Variants in ITIH5 observed in about 807,000 individuals in gnomAD.
ITIH5 encodes the protein inter-alpha-trypsin inhibitor heavy chain H5.
ITIH5 carries 65 observed loss-of-function variants against 77.5 expected under a neutral mutation model. That is an observed-to-expected ratio of 0.84 (90% CI 0.69 to 1.03). ITIH5 has a LOEUF of 1.03. Ranked by LOEUF, ITIH5 falls within the 50% of genes least tolerant of loss-of-function variation. The pLI is 0.00. For missense variants in ITIH5, 1,208 were observed against 1,213.1 expected (o/e 1.00, Z 0.06); for synonymous variants, 525 against 494.3 (o/e 1.06, Z -0.82).
chr10:7,616,782 C>T (rs988948223), intron 6 of ITIH5, among the ~76,000 whole-genome samples: 1 of 151,992 alleles, frequency 6.6e-6, no homozygotes, highest in African/African-American at 2.4e-5. Flanking sequence ...GAGCCGAGAT[C>T]GGCCACTGCA....
chr10:7,629,981 C>A (rs151258654), intron 5 of ITIH5, among the ~76,000 whole-genome samples: 1 of 152,040 alleles, frequency 6.6e-6, no homozygotes, highest in Non-Finnish European at 1.5e-5. Flanking sequence ...GGGGGGGCTA[C>A]GGAGCTGTAC....
At chr10:7,655,034 A>C (rs562342177) in intron 2 of ITIH5, among the ~76,000 whole-genome samples, 1 of 152,310 alleles carries the variant, frequency 6.6e-6, no homozygotes, top group South Asian at 2.1e-4. Context: ...AATGACAAGA[A>C]ATCTGAATCC....
intron 13 of ITIH5, among the ~76,000 whole-genome samples, chr10:7,564,959 A>G (rs959696549): frequency 7.1e-6 from 1 of 141,540 alleles, no homozygotes; most frequent in Non-Finnish European, 1.5e-5. Context: ...CAGACTGTAT[A>G]CATACATATA....
Position 7,563,345 on chromosome 10 carries a change from G to A in ITIH5, c.2567C>T (p.Pro856Leu). 1 of 1,614,058 alleles carries A rather than the reference G, an allele frequency of 6.2e-7. No homozygotes were observed. The highest frequency in any genetic ancestry group is 8.5e-7 in the Non-Finnish European group (1 of 1,179,928). ...AGTGAGGTTCTGGCTGGGCCCTGCA[G>A]GGTCTTCTGTGAGTCTGGCATCCTG... ...LNQDARLTED[P>L]AGPSQNLTHP... Residue 856 changes from proline to leucine, a missense_variant, in exon 14 of 14, where the codon CCT becomes CTT. By Grantham distance (98) the Pro-to-Leu change is moderately conservative. Transcript: ENST00000397146.
chr10:7,664,210 G>C (rs1182860195), intron 1 of ITIH5, among the ~76,000 whole-genome samples: 1 of 151,982 alleles, frequency 6.6e-6, no homozygotes, highest in Non-Finnish European at 1.5e-5. Context: ...GACCAGCCTG[G>C]CCAACGTGAT....
Position 7,641,826 on chromosome 10 carries a change from A to C in ITIH5, c.299+101T>G. On this transcript the variant is annotated intron_variant, in intron 3 of 13. Coordinates refer to ENST00000397146, the MANE Select transcript of ITIH5 (RefSeq NM_030569.7). ...TTCTGATCTATATACCATCTACTGG[A>C]ATATAAATCCTCACAGTCACAAGGC... is the stretch of plus-strand genomic sequence containing the variant. The C allele has an allele frequency of 7.8e-6, 7 of 893,944 alleles. No homozygotes were observed. The South Asian group carries it at 1.1e-4, about 15-fold the overall frequency. 55.4% of individuals were successfully genotyped at this position (893,944 alleles called of 1,614,324 possible). A position where few individuals can be genotyped will look rare whatever the true frequency, so the allele number is the denominator to read the frequency against.
In ITIH5 at chr10:7,617,101, C is replaced by A. The variant is rs554661846; in HGVS notation, c.822+12G>T. The A allele has an allele frequency of 1.3e-6, 2 of 1,506,400 alleles. No homozygotes were observed. The highest frequency in any genetic ancestry group is 2.9e-5 in the African/African-American group (2 of 70,054). 93.3% of individuals were successfully genotyped at this position (1,506,400 alleles called of 1,614,324 possible). A position where few individuals can be genotyped will look rare whatever the true frequency, so the allele number is the denominator to read the frequency against. On this transcript the variant is annotated intron_variant, in intron 6 of 13. Transcript: ENST00000397146. ...ACCAACCAACATGAAATAGCAACGA[C>A]GATCCTATTACCTGGATGTCCCCAA...
intron 8 of ITIH5, among the ~76,000 whole-genome samples, chr10:7,583,793 G>A (rs1588373894): frequency 6.6e-6 from 1 of 152,134 alleles, no homozygotes; most frequent in Non-Finnish European, 1.5e-5. Context: ...GGACGGATTA[G>A]CTTTCCCGAT....
intron 8 of ITIH5, among the ~76,000 whole-genome samples, chr10:7,582,024 C>CT: frequency 6.6e-6 from 1 of 150,862 alleles, no homozygotes; most frequent in Non-Finnish European, 1.5e-5. Context: ...TACAGGCACA[C>CT]GCCACCATGC....
At chr10:7,626,206 A>C (rs1800361404) in intron 5 of ITIH5, among the ~76,000 whole-genome samples, 1 of 152,194 alleles carries the variant, frequency 6.6e-6, no homozygotes, top group Admixed American at 6.5e-5. Flanking sequence ...AAGCCAAGGC[A>C]GCAGGAAAAA....
chr10:7,652,826 T>C (rs1320390652), intron 2 of ITIH5, among the ~76,000 whole-genome samples: 2 of 151,854 alleles, frequency 1.3e-5, no homozygotes, highest in Non-Finnish European at 2.9e-5. Flanking sequence ...ATCTATCACA[T>C]ACAAAGGTCT....
intron 5 of ITIH5, among the ~76,000 whole-genome samples, chr10:7,634,520 A>G (rs1039100744): frequency 2.0e-5 from 3 of 152,208 alleles, no homozygotes; most frequent in Non-Finnish European, 4.4e-5. Context: ...CAATTTCCTT[A>G]AAAACAAACA....
At chr10:7,583,769 G>A (rs1832616237) in intron 8 of ITIH5, among the ~76,000 whole-genome samples, 1 of 152,144 alleles carries the variant, frequency 6.6e-6, no homozygotes, top group Non-Finnish European at 1.5e-5. Context: ...AAGCCAAGGA[G>A]AGCACAGGCA....
chr10:7,564,810 TATACACAC>T (rs1318524784), intron 13 of ITIH5, among the ~76,000 whole-genome samples: 9 of 151,432 alleles, frequency 5.9e-5, no homozygotes, highest in Non-Finnish European at 8.8e-5. Flanking sequence ...TGTGTGTATA[TATACACAC>T]ACACACCATA....
intron 5 of ITIH5, among the ~76,000 whole-genome samples, chr10:7,636,463 G>C (rs1248809255): frequency 2.6e-5 from 4 of 152,074 alleles, no homozygotes; most frequent in Non-Finnish European, 5.9e-5. Flanking sequence ...TAACTTTCTA[G>C]TATTTTATCA....
chr10:7,665,591 A>G (rs183365972), intron 1 of ITIH5, among the ~76,000 whole-genome samples: 69 of 152,330 alleles, frequency 4.5e-4, no homozygotes, highest in African/African-American at 1.5e-3. Context: ...GCCTTCAGCC[A>G]TCTACTAAAA....
chr10:7,587,313 G>A (rs1261002347), intron 7 of ITIH5, among the ~76,000 whole-genome samples: 1 of 152,204 alleles, frequency 6.6e-6, no homozygotes, highest in African/African-American at 2.4e-5. Flanking sequence ...GGTTTCTATA[G>A]TAATCCATAG....
At chr10:7,661,652 A>C (rs1168878309) in intron 1 of ITIH5, among the ~76,000 whole-genome samples, 2 of 152,260 alleles carry the variant, frequency 1.3e-5, no homozygotes, top group Admixed American at 1.3e-4. Flanking sequence ...TAATGGAAGA[A>C]GAAACCTGAT....
At chr10:7,638,732 A>G (rs1408806730) in intron 4 of ITIH5, among the ~76,000 whole-genome samples, 1 of 152,222 alleles carries the variant, frequency 6.6e-6, no homozygotes, top group Non-Finnish European at 1.5e-5. Flanking sequence ...GAAAAGAGAT[A>G]CCAGGGTAAA....
Sources: allele counts gnomAD v4.1 joint callset (sites outside exome capture counted in the v4.1 genomes callset), GRCh38; gene constraint gnomAD v4.1.1; transcripts MANE v1.5; gene names NCBI Gene and HGNC (gene_info 2026-07-23, HGNC 2026-07-21).